Variants in EXOC5 observed in about 807,000 individuals in gnomAD.
EXOC5 encodes SEC10-like 1.
EXOC5 carries 17 observed loss-of-function variants against 90.8 expected under a neutral mutation model. That is an observed-to-expected ratio of 0.19 (90% CI 0.13 to 0.28). The LOEUF is 0.28. EXOC5 is among the 10% of genes least tolerant of loss of function. The pLI is 1.00. For missense variants in EXOC5, 569 were observed against 830.6 expected, an observed-to-expected ratio of 0.69 and a Z score of 3.87; for synonymous variants, 260 against 270.0, an observed-to-expected ratio of 0.96 and a Z score of 0.36.
At chr14:57,254,577 A>G (rs1202219363) in intron 1 of EXOC5, among the ~76,000 whole-genome samples, 2 of 152,198 alleles carry the variant, frequency 1.3e-5, no homozygotes, top group South Asian at 2.1e-4. Context: ...CAAGGACAAG[A>G]AAGTCTGGAG....
chr14:57,239,124 G>A (rs1013218944), intron 5 of EXOC5, among the ~76,000 whole-genome samples: 3 of 152,074 alleles, frequency 2.0e-5, no homozygotes, highest in Non-Finnish European at 4.4e-5. Flanking sequence ...CCATGAAATT[G>A]TATACAATAA....
intron 1 of EXOC5, 103 bp downstream of exon 1, chr14:57,268,519 G>A: frequency 1.3e-6 from 2 of 1,536,086 alleles, no homozygotes; most frequent in Non-Finnish European, 1.7e-6. Flanking sequence ...TCTCTCCCGA[G>A]GGCTCCTCCT....
At chr14:57,254,794 C>T (rs1306346053) in intron 1 of EXOC5, among the ~76,000 whole-genome samples, 3 of 152,234 alleles carry the variant, frequency 2.0e-5, no homozygotes, top group Admixed American at 6.5e-5. Context: ...GAAGAGATTA[C>T]GTGAGCACAA....
intron 6 of EXOC5, among the ~76,000 whole-genome samples, chr14:57,236,820 T>C (rs1883678308): frequency 6.6e-6 from 1 of 151,876 alleles, no homozygotes; most frequent in African/African-American, 2.4e-5. Context: ...AAACCTAGAA[T>C]GATCTAACCT....
chr14:57,244,763 G>A (rs1021618999), intron 3 of EXOC5, among the ~76,000 whole-genome samples: 2 of 152,090 alleles, frequency 1.3e-5, no homozygotes, highest in Non-Finnish European at 2.9e-5. Flanking sequence ...GTAGGAGGCC[G>A]AGGGAGGCAG....
intron 9 of EXOC5, among the ~76,000 whole-genome samples, chr14:57,233,487 C>T (rs1883547027): frequency 6.6e-6 from 1 of 151,976 alleles, no homozygotes; most frequent in Admixed American, 6.6e-5. Context: ...TATCTTACCA[C>T]AATATATTAT....
intron 6 of EXOC5, among the ~76,000 whole-genome samples, chr14:57,236,748 T>C (rs1883673591): frequency 6.6e-6 from 1 of 152,186 alleles, no homozygotes; most frequent in African/African-American, 2.4e-5. Flanking sequence ...TTCTATGCAG[T>C]GGCCTACTCT....
At chr14:57,267,523 T>A (rs937035696) in intron 1 of EXOC5, among the ~76,000 whole-genome samples, 10 of 152,192 alleles carry the variant, frequency 6.6e-5, no homozygotes, top group Non-Finnish European at 1.5e-5. Flanking sequence ...ATGGAGAAGT[T>A]CCCTATTGTG....
At chr14:57,245,591 T>C (rs944490113) in intron 3 of EXOC5, among the ~76,000 whole-genome samples, 1 of 152,190 alleles carries the variant, frequency 6.6e-6, no homozygotes, top group African/African-American at 2.4e-5. Flanking sequence ...TAAAAATGCA[T>C]TCCTTATCTT....
Position 57,204,724 on chromosome 14 carries a change from A to G in EXOC5, c.*3885T>C, listed in dbSNP as rs1882597345. ...TGATAGACATATTTCTATTAGGTAC[A>G]AACTTAACATTAAAATTTCATGACC... On this transcript the variant is annotated 3_prime_UTR_variant, in exon 18 of 18. Coordinates refer to ENST00000621441, the MANE Select transcript of EXOC5 (RefSeq NM_006544.4). 1 of 152,476 alleles carries G rather than the reference A, an allele frequency of 6.6e-6. No homozygotes were observed. The highest frequency in any genetic ancestry group is 1.9e-4 in the East Asian group (1 of 5,196). The allele number at this position is 152,476 out of a possible 1,614,324, so 9.4% of individuals were successfully genotyped here.
chr14:57,263,591 G>A (rs970554085), intron 1 of EXOC5, among the ~76,000 whole-genome samples: 9 of 150,704 alleles, frequency 6.0e-5, no homozygotes, highest in Admixed American at 2.6e-4. Context: ...CACAGCGAAA[G>A]CCCATCTCTA....
chr14:57,226,442 T>C (rs958476023), intron 12 of EXOC5, among the ~76,000 whole-genome samples: 10 of 152,232 alleles, frequency 6.6e-5, no homozygotes, highest in Non-Finnish European at 1.5e-4. Flanking sequence ...CATCAAAATA[T>C]GTGAATTCTC....
chr14:57,233,839 G>C lies in EXOC5; in HGVS notation c.759C>G (p.Leu253=), dbSNP rs756199777. The change falls in exon 9 of 18, where the codon CTC becomes CTG. Residue 253 remains leucine (L), a synonymous_variant. Transcript: ENST00000621441. ...CAACTTGTTTGTTCACTCTTTGACA[G>C]AGTATTCCAGCGTCTTCAAATATAT... The part of the protein sequence containing the change: ...RNDIFEDAGI[L]CQRVNKQVGD... The C allele has an allele frequency of 6.2e-7, 1 of 1,609,628 alleles. No homozygotes were observed. Among genetic ancestry groups the C allele is most frequent in the East Asian group, 2.2e-5 (1 of 44,730 alleles).
chr14:57,239,651 T>C lies in EXOC5; in HGVS notation c.474A>G (p.Glu158=). The C allele has an allele frequency of 6.6e-7, 1 of 1,523,954 alleles. No homozygotes were observed. Among genetic ancestry groups the C allele is most frequent in the Admixed American group, 2.1e-5 (1 of 46,880 alleles). The allele number at this position is 1,523,954 out of a possible 1,614,324, so 94.4% of individuals were successfully genotyped here. A position where few individuals can be genotyped will look rare whatever the true frequency, so the allele number is the denominator to read the frequency against. ...GCAACTTCTGAATGATGTCTGCTGC[T>C]TCCTTTATCTATGAAAAAATAAATA... ...DVFTNSEKIK[E]AADIIQKLHL... Residue 158 remains glutamate (E), a synonymous_variant, in exon 5 of 18, where the codon GAA becomes GAG. Coordinates refer to ENST00000621441, the MANE Select transcript of EXOC5 (RefSeq NM_006544.4).
intron 15 of EXOC5, among the ~76,000 whole-genome samples, chr14:57,212,114 C>T (rs1296016602): frequency 6.6e-6 from 1 of 152,216 alleles, no homozygotes; most frequent in East Asian, 1.9e-4. Flanking sequence ...ATCCTCCTGC[C>T]TCAGCCTCCC....
At chr14:57,258,498 GAGA>G (rs1405727348) in intron 1 of EXOC5, among the ~76,000 whole-genome samples, 2 of 152,122 alleles carry the variant, frequency 1.3e-5, no homozygotes, top group African/African-American at 4.8e-5. Flanking sequence ...GCTGAAAAAT[GAGA>G]ATACATGGAC....
intron 1 of EXOC5, among the ~76,000 whole-genome samples, chr14:57,268,063 T>A (rs1467914633): frequency 6.6e-6 from 1 of 150,476 alleles, no homozygotes; most frequent in Non-Finnish European, 1.5e-5. Context: ...GCCTTTATTG[T>A]CCAAAAAAAA....
chr14:57,208,866 C>A (rs1305527010), intron 17 of EXOC5, 69 bp from the exon 18 acceptor site: 2 of 1,056,886 alleles, frequency 1.9e-6, no homozygotes, highest in African/African-American at 1.6e-5. Flanking sequence ...TAGCTTGTAA[C>A]TTTTTACATA....
Position 57,268,670 on chromosome 14 carries a change from C to G in EXOC5, c.-22G>C. 1 of 1,577,914 alleles carries G rather than the reference C, an allele frequency of 6.3e-7. No individual in the cohort carries two copies. The highest frequency in any genetic ancestry group is 2.3e-5 in the East Asian group (1 of 43,050). ...CCATCCCGGCCGGCTGAGAGGCTCGCCCCCCACTGGATGCCGTCTCCGCTT... is the reference window on the plus strand; with the variant it reads ...CCATCCCGGCCGGCTGAGAGGCTCGGCCCCCACTGGATGCCGTCTCCGCTT... On this transcript the variant is annotated 5_prime_UTR_variant, in exon 1 of 18. Transcript: ENST00000621441.
Sources: allele counts gnomAD v4.1 joint callset (sites outside exome capture counted in the v4.1 genomes callset), GRCh38; gene constraint gnomAD v4.1.1; transcripts MANE v1.5; gene names NCBI Gene and HGNC (gene_info 2026-07-23, HGNC 2026-07-21).